EHD2: variants seen among roughly 807,000 people sequenced by gnomAD.
EHD2 encodes the protein EH domain-containing protein 2.
A neutral mutation model predicts 41.0 loss-of-function variants in EHD2; 27 were observed. The observed-to-expected ratio is 0.66, with a 90% confidence interval of 0.49 to 0.91. EHD2 has a LOEUF of 0.91. Ranked by LOEUF, EHD2 falls within the 40% of genes least tolerant of loss-of-function variation. The probability of loss-of-function intolerance (pLI) is 0.00; values close to 1 mark genes in which losing one functional copy is unlikely to be tolerated. For missense variants in EHD2, 673 were observed against 773.9 expected (o/e 0.87, Z 1.55); for synonymous variants, 342 against 341.0 (o/e 1.00, Z -0.03).
chr19:47,740,678 G>A (rs529799262), intron 5 of EHD2, among the ~76,000 whole-genome samples: 4 of 152,206 alleles, frequency 2.6e-5, no homozygotes, highest in East Asian at 1.9e-4. Flanking sequence ...ACCGGAAGGC[G>A]GACGTTGCAG....
rs202176899 is a variant in EHD2 at position 47,716,891 on chromosome 19, C to T, written c.279C>T (p.Thr93=). The T allele has an allele frequency of 3.1e-6, 5 of 1,612,634 alleles. No individual in the cohort carries two copies. Among genetic ancestry groups the T allele is most frequent in the Admixed American group, 3.3e-5 (2 of 59,952 alleles). Residue 93 remains threonine (T), a synonymous_variant, in exon 2 of 6, where the codon ACC becomes ACT. Coordinates refer to ENST00000263277, the MANE Select transcript of EHD2 (RefSeq NM_014601.4). ...VPGSRVGPEP[T]TDCFVAVMHG... Reference sequence around the variant, plus strand: ...GCTCCCGCGTGGGGCCTGAGCCCACCACCGACTGCTTTGTGGCCGTCATGC... The same window carrying T: ...GCTCCCGCGTGGGGCCTGAGCCCACTACCGACTGCTTTGTGGCCGTCATGC...
chr19:47,717,344 C>T (rs997065072), intron 2 of EHD2, among the ~76,000 whole-genome samples: 32 of 152,060 alleles, frequency 2.1e-4, no homozygotes, highest in Admixed American at 1.8e-3. Flanking sequence ...CCACTGCGCC[C>T]GGCCCTGGGG....
intron 5 of EHD2, 87 bp downstream of exon 5, chr19:47,736,620 G>A: frequency 7.0e-7 from 1 of 1,431,338 alleles, no homozygotes; most frequent in Non-Finnish European, 9.3e-7. Flanking sequence ...TCAAAAGCCA[G>A]AGGGATGGAT....
Position 47,717,005 on chromosome 19 carries a change from C to T in EHD2, c.393C>T (p.Thr131=), listed in dbSNP as rs201833276. Residue 131 remains threonine, a synonymous_variant, in exon 2 of 6, where the codon ACC becomes ACT. Coordinates refer to ENST00000263277, the MANE Select transcript of EHD2 (RefSeq NM_014601.4). ...GCAAACTCAACCCTTTCGGAAACACCTTCCTCAACAGGTGTGCCAGCCGCG... is the reference window on the plus strand; with the variant it reads ...GCAAACTCAACCCTTTCGGAAACACTTTCCTCAACAGGTGTGCCAGCCGCG... ...PFRKLNPFGN[T]FLNRFMCAQL... 4 of 1,600,248 alleles carry T rather than the reference C, an allele frequency of 2.5e-6. No individual in the cohort carries two copies. The East Asian group carries it at 8.9e-5, about 36-fold the overall frequency.
Position 47,740,968 on chromosome 19 carries a change from A to G in EHD2, c.1168A>G (p.Ile390Val), listed in dbSNP as rs1966980731. 6.2e-7 allele frequency: 1 copy of G among 1,612,516 alleles called. No homozygotes were observed. The highest frequency in any genetic ancestry group is 8.5e-7 in the Non-Finnish European group (1 of 1,179,938). The change falls in exon 6 of 6, where the codon ATC (isoleucine) becomes GTC (valine). Residue 390 changes from isoleucine to valine, a missense_variant. Coordinates refer to ENST00000263277, the MANE Select transcript of EHD2 (RefSeq NM_014601.4). The stretch of plus-strand genomic sequence containing the variant: ...ACTGGACGAGATGCTGACGCACGAC[A>G]TCGCCAAGCTCATGCCCCTGCTGCG... The part of the protein sequence containing the change: ...EALDEMLTHD[I>V]AKLMPLLRQE...
At position 47,735,579 on chromosome 19, in the gene EHD2, T is replaced by C. The variant is rs945015522; in HGVS notation, c.916-790T>C. Among the ~76,000 whole-genome samples, 13 of 147,622 alleles carry C rather than the reference T, an allele frequency of 8.8e-5. 1 individual carries two copies. Among genetic ancestry groups the C allele is most frequent in the African/African-American group, 1.8e-4 (7 of 38,698 alleles). On this transcript the variant is annotated intron_variant, in intron 4 of 5. Transcript: ENST00000263277. ...CACCACTGCACTCCTGGCTGGGTGA[T>C]AGAGCGAGACCCTGTCTCCAAAAAA...
chr19:47,733,135 A>G (rs1251034265), intron 4 of EHD2: 1 of 152,084 alleles, frequency 6.6e-6, no homozygotes, highest in African/African-American at 2.4e-5. Flanking sequence ...AAGGTTCTCA[A>G]GTTCATTGGT....
intron 4 of EHD2, among the ~76,000 whole-genome samples, chr19:47,726,603 C>T (rs540437057): frequency 2.6e-5 from 4 of 151,320 alleles, no homozygotes; most frequent in African/African-American, 9.7e-5. Context: ...CTCCTTCCTT[C>T]CTTCCTTCCT....
In EHD2 at chr19:47,716,645, G is replaced by A. The variant is rs1444079825; in HGVS notation, c.33G>A (p.Arg11=). 1 of 1,569,532 alleles carries A rather than the reference G, an allele frequency of 6.4e-7. No homozygotes were observed. The highest frequency in any genetic ancestry group is 1.2e-5 in the South Asian group (1 of 86,078). Reference sequence around the variant, plus strand: ...GCTGGCTGAAGCGGGGCGGGGCACGGGGCCAGCAGCCCGAGGCCATCCGCA... The same window carrying A: ...GCTGGCTGAAGCGGGGCGGGGCACGAGGCCAGCAGCCCGAGGCCATCCGCA... MFSWLKRGGA[R]GQQPEAIRTV... The change falls in exon 2 of 6, where the codon CGG becomes CGA. Residue 11 remains arginine (R), a synonymous_variant. Transcript: ENST00000263277.
chr19:47,718,397 C>T (rs78217286), intron 2 of EHD2, 112 bp from the exon 3 acceptor site: 17,092 of 851,716 alleles, frequency 0.02, 285 homozygotes, highest in South Asian at 0.046. Context: ...TGTCTTTCTT[C>T]GCCCATAAAG....
Position 47,725,957 on chromosome 19 carries a change from G to A in EHD2, c.648G>A (p.Val216=), listed in dbSNP as rs1973746739. 1 of 1,613,446 alleles carries A rather than the reference G, an allele frequency of 6.2e-7. No individual in the cohort carries two copies. ...ALRGHEDKIR[V]VLNKADMVET... ...GGGGCCATGAGGACAAGATCCGCGT[G>A]GTGCTCAACAAGGCCGACATGGTGG... Residue 216 remains valine, a synonymous_variant, in exon 4 of 6, where the codon GTG becomes GTA. Transcript: ENST00000263277.
At chr19:47,720,677 G>C (rs1205196826) in intron 3 of EHD2, among the ~76,000 whole-genome samples, 1 of 152,132 alleles carries the variant, frequency 6.6e-6, no homozygotes. Flanking sequence ...TTGTGTGCCT[G>C]TGTGTGAGAT....
intron 3 of EHD2, among the ~76,000 whole-genome samples, chr19:47,724,148 G>C (rs1011685465): frequency 5.6e-5 from 8 of 143,382 alleles, no homozygotes; most frequent in Non-Finnish European, 1.1e-4. Flanking sequence ...ATGCTATCTC[G>C]GCTCACTGCA....
chr19:47,742,042 A>C lies in EHD2; in HGVS notation c.*610A>C. Reference sequence around the variant, plus strand: ...CATGGGGGGCTCAGAGGGGAGACACACCTACTGCTTCCTCAGATGGGCCCC... The same window carrying C: ...CATGGGGGGCTCAGAGGGGAGACACCCCTACTGCTTCCTCAGATGGGCCCC... On this transcript the variant is annotated 3_prime_UTR_variant, in exon 6 of 6. Coordinates refer to ENST00000263277, the MANE Select transcript of EHD2 (RefSeq NM_014601.4). 2.4e-6 allele frequency: 1 copy of C among 424,714 alleles called. No homozygotes were observed. Among genetic ancestry groups the C allele is most frequent in the Non-Finnish European group, 4.7e-6 (1 of 212,586 alleles). The allele number at this position is 424,714 out of a possible 1,614,324, so 26.3% of individuals were successfully genotyped here.
chr19:47,718,977 G>C (rs1973666704), intron 3 of EHD2, among the ~76,000 whole-genome samples: 1 of 152,050 alleles, frequency 6.6e-6, no homozygotes, highest in Admixed American at 6.6e-5. Flanking sequence ...CTGGGGTCTG[G>C]ACTCCTGGGT....
chr19:47,729,191 G>A (rs751018054), intron 4 of EHD2, among the ~76,000 whole-genome samples: 25 of 152,250 alleles, frequency 1.6e-4, no homozygotes, highest in African/African-American at 2.6e-4. Context: ...CGGGGTAGCT[G>A]GGGCAGGCAG....
In EHD2 at chr19:47,740,910, G is replaced by A. The variant is rs545394627; in HGVS notation, c.1110G>A (p.Lys370=). ...QELLMAHDFT[K]FHSLKPKLLE... ...TGCTGATGGCGCACGACTTCACCAA[G>A]TTTCACTCGCTGAAGCCGAAGCTGC... Residue 370 remains lysine, a synonymous_variant, in exon 6 of 6, where the codon AAG becomes AAA. Coordinates refer to ENST00000263277, the MANE Select transcript of EHD2 (RefSeq NM_014601.4). The A allele has an allele frequency of 2.5e-6, 4 of 1,613,354 alleles. No homozygotes were observed. The African/African-American group carries it at 5.3e-5, about 21-fold the overall frequency.
chr19:47,736,453 A>C lies in EHD2; in HGVS notation c.1000A>C (p.Lys334Gln), dbSNP rs747583344. 3.1e-6 allele frequency: 5 copies of C among 1,613,090 alleles called. No individual in the cohort carries two copies. The East Asian group carries it at 8.9e-5, about 29-fold the overall frequency. Reference sequence around the variant, plus strand: ...GAACAAGAAGAAGCAGCTGATCCTCAAACTGCCCGTCATCTTTGCGAAGAT... The same window carrying C: ...GAACAAGAAGAAGCAGCTGATCCTCCAACTGCCCGTCATCTTTGCGAAGAT... The part of the protein sequence containing the change: ...KENKKKQLIL[K>Q]LPVIFAKIQL... The change falls in exon 5 of 6, where the codon AAA (lysine) becomes CAA (glutamine). Residue 334 changes from lysine (K) to glutamine (Q), a missense_variant. Coordinates refer to ENST00000263277, the MANE Select transcript of EHD2 (RefSeq NM_014601.4).
rs986185076 is a variant in EHD2, at chr19:47,742,020, G to C, written c.*588G>C. On this transcript the variant is annotated 3_prime_UTR_variant, in exon 6 of 6. Transcript: ENST00000263277. The stretch of plus-strand genomic sequence containing the variant: ...TCACATCCTCAGGTCTCGGGACCAT[G>C]GGGGGCTCAGAGGGGAGACACACCT... 3 of 450,032 alleles carry C rather than the reference G, an allele frequency of 6.7e-6. No homozygotes were observed. The highest frequency in any genetic ancestry group is 4.8e-5 in the Admixed American group (2 of 41,404). The allele number at this position is 450,032 out of a possible 1,614,324, so 27.9% of individuals were successfully genotyped here.
Sources: allele counts gnomAD v4.1 joint callset (sites outside exome capture counted in the v4.1 genomes callset), GRCh38; gene constraint gnomAD v4.1.1; transcripts MANE v1.5; gene names NCBI Gene and HGNC (gene_info 2026-07-23, HGNC 2026-07-21).